Variants in PCDHA6 observed in about 807,000 individuals in gnomAD.
PCDHA6 encodes protocadherin alpha-6.
PCDHA6 carries 55 observed loss-of-function variants against 60.3 expected under a neutral mutation model. That is an observed-to-expected ratio of 0.91 (90% CI 0.73 to 1.14). PCDHA6 has a LOEUF of 1.14. Among genes scored for constraint, PCDHA6 ranks in the 50% most tolerant of loss-of-function variants. The pLI, the probability that PCDHA6 is intolerant of heterozygous loss-of-function variation, is 0.00. For missense variants in PCDHA6, 1,327 were observed against 1,256.5 expected (o/e 1.06, Z -0.85); for synonymous variants, 652 against 557.9 (o/e 1.17, Z -2.38).
chr5:140,931,544 A>G (rs1276156656), intron 1 of PCDHA6, among the ~76,000 whole-genome samples: 1 of 152,048 alleles, frequency 6.6e-6, no homozygotes, highest in Non-Finnish European at 1.5e-5. Context: ...TATACTGTTC[A>G]TATGTGCAGG....
chr5:140,925,267 G>C (rs931372584), intron 1 of PCDHA6, among the ~76,000 whole-genome samples: 14 of 152,060 alleles, frequency 9.2e-5, no homozygotes, highest in Non-Finnish European at 1.9e-4. Flanking sequence ...CTTGATCTGT[G>C]TTCAGATTTT....
intron 1 of PCDHA6, chr5:140,928,982 G>T: frequency 6.2e-7 from 1 of 1,613,824 alleles, no homozygotes; most frequent in Non-Finnish European, 8.5e-7. Flanking sequence ...TTATTTCTGG[G>T]GTGCTTACTT....
chr5:140,857,665 G>C, intron 1 of PCDHA6: 1 of 1,596,910 alleles, frequency 6.3e-7, no homozygotes, highest in East Asian at 2.2e-5. Flanking sequence ...CGCGCGATGG[G>C]GGCGTGCCGC....
chr5:140,924,096 T>C (rs1044149112), intron 1 of PCDHA6, among the ~76,000 whole-genome samples: 1 of 152,222 alleles, frequency 6.6e-6, no homozygotes, highest in Non-Finnish European at 1.5e-5. Context: ...AAAGAATAAA[T>C]TTTCATTCCA....
intron 1 of PCDHA6, 90 bp downstream of exon 1, chr5:140,830,575 T>A: frequency 1.1e-6 from 1 of 879,468 alleles, no homozygotes. Context: ...CTGTTTTTAA[T>A]TTTTAATTAA....
intron 1 of PCDHA6, chr5:140,867,470 T>C (rs1010353201): frequency 2.0e-5 from 3 of 152,066 alleles, no homozygotes; most frequent in Non-Finnish European, 4.4e-5. Context: ...ATGACAACAT[T>C]GGGAAAAGAG....
At chr5:140,877,946 C>G in intron 1 of PCDHA6, 1 of 1,349,558 alleles carries the variant, frequency 7.4e-7, no homozygotes, top group South Asian at 1.7e-5. Context: ...TTTAAACTAT[C>G]GAATGTCTCA....
chr5:140,928,522 T>G lies in PCDHA6; in HGVS notation c.2395-50427T>G, dbSNP rs373009645. The G allele has an allele frequency of 4.3e-6, 7 of 1,614,150 alleles. No homozygotes were observed. Among genetic ancestry groups the G allele is most frequent in the African/African-American group, 1.3e-5 (1 of 75,032 alleles). On this transcript the variant is annotated intron_variant, in intron 1 of 3. Coordinates refer to ENST00000529310, the MANE Select transcript of PCDHA6 (RefSeq NM_018909.4). ...AAGTGCAACAGTGACTATAAACTTG[T>G]TTGTGGTAGATAGGAATGACAATTA...
chr5:140,904,486 C>G (rs1396927518), intron 1 of PCDHA6, among the ~76,000 whole-genome samples: 2 of 151,508 alleles, frequency 1.3e-5, no homozygotes, highest in African/African-American at 2.4e-5. Context: ...TGGTCTGATT[C>G]CAAATTTTTA....
intron 1 of PCDHA6, among the ~76,000 whole-genome samples, chr5:140,886,264 A>G (rs1471846282): frequency 6.6e-6 from 1 of 151,982 alleles, no homozygotes; most frequent in Non-Finnish European, 1.5e-5. Context: ...CTATTTATAG[A>G]TAAAATTTTT....
chr5:141,008,036 C>G (rs1372261299), intron 3 of PCDHA6, among the ~76,000 whole-genome samples: 1 of 151,938 alleles, frequency 6.6e-6, no homozygotes, highest in Non-Finnish European at 1.5e-5. Context: ...GTTAATCTGC[C>G]TTTTGTAACA....
In PCDHA6 at chr5:140,829,507, C is replaced by A; in HGVS notation, c.1416C>A (p.Cys472Ter). 2 of 1,613,584 alleles carry A rather than the reference C, an allele frequency of 1.2e-6. No homozygotes were observed. The highest frequency in any genetic ancestry group is 1.7e-6 in the Non-Finnish European group (2 of 1,179,938). Residue 472 changes from cysteine (C) to a stop codon, truncating the protein, a stop_gained, in exon 1 of 4, where the codon TGC becomes TGA. Coordinates refer to ENST00000529310, the MANE Select transcript of PCDHA6 (RefSeq NM_018909.4). LOFTEE classifies it high-confidence loss of function. ...VFVKENNPPG[C>*]HIFTVSARDA... ...TGAAGGAGAACAACCCGCCGGGCTGCCACATCTTCACGGTGTCTGCGCGAG... is the reference window on the plus strand; with the variant it reads ...TGAAGGAGAACAACCCGCCGGGCTGACACATCTTCACGGTGTCTGCGCGAG...
Position 141,007,401 on chromosome 5 carries a change from A to G in PCDHA6, c.2543-2226A>G, listed in dbSNP as rs981008239. On this transcript the variant is annotated intron_variant, in intron 3 of 3. Coordinates refer to ENST00000529310, the MANE Select transcript of PCDHA6 (RefSeq NM_018909.4). Reference sequence around the variant, plus strand: ...CACCATCTCTACTAAAATACAAAAAAAAAAAAAAAAAAAAAAATTAGCCAG... The same window carrying G: ...CACCATCTCTACTAAAATACAAAAAGAAAAAAAAAAAAAAAAATTAGCCAG... Among the ~76,000 whole-genome samples the G allele has an allele frequency of 7.4e-4, 110 of 149,582 alleles. 1 individual carries two copies. Among genetic ancestry groups the G allele is most frequent in the Non-Finnish European group, 9.7e-4 (65 of 67,302 alleles).
In PCDHA6 at chr5:140,849,164, T is replaced by A. The variant is rs2150431781; in HGVS notation, c.2394+18679T>A. On this transcript the variant is annotated intron_variant, in intron 1 of 3. Transcript: ENST00000529310. The stretch of plus-strand genomic sequence containing the variant: ...CCGATGGAGGCAAACCCGAGCTGAC[T>A]GGCACCGTTCAATTACTCATCACGG... 2.2e-5 allele frequency: 26 copies of A among 1,167,304 alleles called. No homozygotes were observed. In the East Asian group the frequency reaches 6.1e-4, roughly 28 times the overall value. 72.3% of individuals were successfully genotyped at this position (1,167,304 alleles called of 1,614,324 possible).
chr5:140,952,496 G>A (rs2094755026), intron 1 of PCDHA6, among the ~76,000 whole-genome samples: 1 of 152,112 alleles, frequency 6.6e-6, no homozygotes, highest in Non-Finnish European at 1.5e-5. Flanking sequence ...CCAGTCCTCA[G>A]TAAGTTCCTC....
At position 140,843,837 on chromosome 5, in the gene PCDHA6, T is replaced by C. The variant is rs1433979959; in HGVS notation, c.2394+13352T>C. ...GTGAAAATTTAAACATTGTTTAGTT[T>C]TTAGAAACCTTTTATAATTAATTGA... On this transcript the variant is annotated intron_variant, in intron 1 of 3. Coordinates refer to ENST00000529310, the MANE Select transcript of PCDHA6 (RefSeq NM_018909.4). The C allele has an allele frequency of 3.8e-5, 40 of 1,048,116 alleles. 5 individuals are homozygous for C. The Admixed American group carries it at 1.1e-3, about 28-fold the overall frequency. 64.9% of individuals were successfully genotyped at this position (1,048,116 alleles called of 1,614,324 possible). A position where few individuals can be genotyped will look rare whatever the true frequency, so the allele number is the denominator to read the frequency against.
chr5:140,988,184 GGT>G (rs2153871318), intron 3 of PCDHA6, among the ~76,000 whole-genome samples: 1 of 152,246 alleles, frequency 6.6e-6, no homozygotes, highest in East Asian at 1.9e-4. Flanking sequence ...AGTCCTGGGA[GGT>G]GTGTGCATAT....
At position 140,869,188 on chromosome 5, in the gene PCDHA6, G is replaced by T. The variant is rs200563745; in HGVS notation, c.2394+38703G>T. 364 of 1,613,946 alleles carry T rather than the reference G, an allele frequency of 2.3e-4. 4 individuals carry two copies. In the Admixed American group the frequency reaches 5.9e-3, roughly 26 times the overall value. On this transcript the variant is annotated intron_variant, in intron 1 of 3. Coordinates refer to ENST00000529310, the MANE Select transcript of PCDHA6 (RefSeq NM_018909.4). ...CCTCGAATTCTGGGAGGTGGGGAGC[G>T]GCCAGCTCCACTACTCCGTCTCGGA...
At chr5:140,915,582 G>T (rs991142864) in intron 1 of PCDHA6, among the ~76,000 whole-genome samples, 1 of 151,936 alleles carries the variant, frequency 6.6e-6, no homozygotes, top group Non-Finnish European at 1.5e-5. Context: ...CCAGGCAAAA[G>T]CACTTGTTCT....
Sources: allele counts gnomAD v4.1 joint callset (sites outside exome capture counted in the v4.1 genomes callset), GRCh38; gene constraint gnomAD v4.1.1; transcripts MANE v1.5; gene names NCBI Gene and HGNC (gene_info 2026-07-23, HGNC 2026-07-21).